Variants in RC3H2 observed in about 807,000 individuals in gnomAD.
The protein encoded by RC3H2 is roquin-2.
In RC3H2, 31 loss-of-function variants were observed where a neutral mutation model predicts 133.3. The observed-to-expected ratio is 0.23, with a 90% confidence interval of 0.17 to 0.31. The LOEUF is 0.31. RC3H2 is among the 10% of genes least tolerant of loss of function. The probability of loss-of-function intolerance (pLI) is 1.00; values close to 1 mark genes in which losing one functional copy is unlikely to be tolerated. For synonymous variants in RC3H2, 517 were observed against 502.2 expected (o/e 1.03, Z -0.40); for missense variants, 1,175 against 1,437.2 (o/e 0.82, Z 2.95).
In RC3H2 at chr9:122,846,864, A is replaced by G. The variant is rs1005709973; in HGVS notation, c.*2763T>C. On this transcript the variant is annotated 3_prime_UTR_variant, in exon 21 of 21. Transcript: ENST00000357244. ...GATATCAGTAGGTACCATTCTGAAGAAGGATCAGATGAACTGCCCTTTCTT... is the reference window on the plus strand; with the variant it reads ...GATATCAGTAGGTACCATTCTGAAGGAGGATCAGATGAACTGCCCTTTCTT... 6.6e-6 allele frequency: 1 copy of G among 152,192 alleles called. No individual in the cohort carries two copies. Among genetic ancestry groups the G allele is most frequent in the African/African-American group, 2.4e-5 (1 of 41,462 alleles). The allele number at this position is 152,192 out of a possible 1,614,324, so 9.4% of individuals were successfully genotyped here. A position where few individuals can be genotyped will look rare whatever the true frequency, so the allele number is the denominator to read the frequency against.
intron 4 of RC3H2, among the ~76,000 whole-genome samples, chr9:122,888,061 A>G (rs1017303574): frequency 6.6e-6 from 1 of 151,794 alleles, no homozygotes; most frequent in African/African-American, 2.4e-5. Context: ...CTTTTTTTTT[A>G]AATGCTGAAA....
chr9:122,858,917 G>C lies in RC3H2; in HGVS notation c.2035C>G (p.Pro679Ala). Reference protein sequence around the residue: ...SSPYQPPPPQPYGPVPPVPSG... With the variant: ...SSPYQPPPPQAYGPVPPVPSG... ...GGTACTGGAGGAACTGGTCCATACG[G>C]CTGCGGAGGAGGAGGCTGGTAAGGA... Residue 679 changes from proline (P) to alanine (A), a missense_variant, in exon 12 of 21, where the codon CCG becomes GCG. Coordinates refer to ENST00000357244, the MANE Select transcript of RC3H2 (RefSeq NM_001100588.3). The C allele has an allele frequency of 6.2e-7, 1 of 1,614,256 alleles. No homozygotes were observed. Among genetic ancestry groups the C allele is most frequent in the Non-Finnish European group, 8.5e-7 (1 of 1,180,042 alleles).
Position 122,893,027 on chromosome 9 carries a change from C to CT in RC3H2, c.232-2dup. On this transcript the variant is annotated splice_acceptor_variant, in intron 2 of 20. Coordinates refer to ENST00000357244, the MANE Select transcript of RC3H2 (RefSeq NM_001100588.3). LOFTEE classifies it high-confidence loss of function. ...ACTTAATTGACTGATGATCTGGTAC[C>CT]TTAAAAAAAAAAAAAAAGGAATATT... The CT allele has an allele frequency of 1.3e-6, 2 of 1,563,556 alleles. No individual in the cohort carries two copies. Among genetic ancestry groups the CT allele is most frequent in the African/African-American group, 1.4e-5 (1 of 70,992 alleles).
intron 9 of RC3H2, among the ~76,000 whole-genome samples, chr9:122,866,872 T>G (rs1830704263): frequency 6.9e-6 from 1 of 145,464 alleles, no homozygotes; most frequent in Non-Finnish European, 1.5e-5. Flanking sequence ...GCCTATCGTC[T>G]GGGACGTGAG....
chr9:122,886,180 G>A (rs538607864), intron 4 of RC3H2, among the ~76,000 whole-genome samples: 6 of 152,246 alleles, frequency 3.9e-5, no homozygotes, highest in Non-Finnish European at 7.4e-5. Context: ...GTGAGCCACC[G>A]TGCCCAACCT....
intron 4 of RC3H2, among the ~76,000 whole-genome samples, chr9:122,886,351 C>T (rs182157450): frequency 2.0e-5 from 3 of 152,208 alleles, no homozygotes; most frequent in African/African-American, 7.2e-5. Context: ...TTGTGAATAA[C>T]GCTGCAATAA....
At chr9:122,857,876 C>A in intron 13 of RC3H2, 47 bp downstream of exon 13, 1 of 1,522,008 alleles carries the variant, frequency 6.6e-7, no homozygotes, top group Non-Finnish European at 9.0e-7. Context: ...TTGAAGTCAG[C>A]TGTTTGACCT....
chr9:122,854,435 C>A, intron 16 of RC3H2, 96 bp downstream of exon 16: 1 of 1,200,784 alleles, frequency 8.3e-7, no homozygotes, highest in Non-Finnish European at 1.2e-6. Context: ...AGACAACAAG[C>A]AAAGCACATT....
rs1362470999 is a variant in RC3H2, at chr9:122,848,852, T to A, written c.*775A>T. ...ATTGTAAAAACGATTCTGCATAACT[T>A]AGGAGAATTTAATATCTAGTACATC... On this transcript the variant is annotated 3_prime_UTR_variant, in exon 21 of 21. Coordinates refer to ENST00000357244, the MANE Select transcript of RC3H2 (RefSeq NM_001100588.3). The A allele has an allele frequency of 6.6e-6, 1 of 152,152 alleles. No homozygotes were observed. The highest frequency in any genetic ancestry group is 2.4e-5 in the African/African-American group (1 of 41,446). The allele number at this position is 152,152 out of a possible 1,614,324, so 9.4% of individuals were successfully genotyped here.
chr9:122,859,251 G>GGTTTT, intron 11 of RC3H2, 149 bp from the exon 12 acceptor site: 2 of 307,268 alleles, frequency 6.5e-6, no homozygotes, highest in East Asian at 2.1e-4. Flanking sequence ...TTATACCCTG[G>GGTTTT]CTTTTTTTTT....
At position 122,877,587 on chromosome 9, in the gene RC3H2, CA is replaced by C. The variant is rs1244182060; in HGVS notation, c.1213-5del. ...TGTATTTGCTGTTTGGCTGAGGCTA[CA>C]AAAATGGGAACACATTCAATGAGTG... On this transcript the variant is annotated splice_polypyrimidine_tract_variant and splice_region_variant and intron_variant, in intron 8 of 20. Coordinates refer to ENST00000357244, the MANE Select transcript of RC3H2 (RefSeq NM_001100588.3). 3 of 1,612,040 alleles carry C rather than the reference CA, an allele frequency of 1.9e-6. No homozygotes were observed. Among genetic ancestry groups the C allele is most frequent in the Admixed American group, 3.3e-5 (2 of 59,914 alleles).
chr9:122,893,547 C>T (rs186391996), intron 2 of RC3H2, among the ~76,000 whole-genome samples: 1 of 152,110 alleles, frequency 6.6e-6, no homozygotes, highest in East Asian at 1.9e-4. Flanking sequence ...ACAGCAGGAG[C>T]TGTGTGGATT....
intron 2 of RC3H2, 30 bp downstream of exon 2, chr9:122,897,249 C>A (rs1238153025): frequency 6.2e-7 from 1 of 1,607,360 alleles, no homozygotes; most frequent in African/African-American, 1.3e-5. Flanking sequence ...TATTTTTGCA[C>A]CAACCTATAG....
rs1162402106 is a variant in RC3H2 at position 122,858,945 on chromosome 9, A to G, written c.2007T>C (p.Ser669=). Residue 669 remains serine, a synonymous_variant, in exon 12 of 21, where the codon TCT becomes TCC. Transcript: ENST00000357244. ...GCGGAGGAGGAGGCTGGTAAGGAGA[A>G]GAATTCATTCGATCTCGAGGGGAAA... The part of the protein sequence containing the change: ...STFSPRDRMN[S]SPYQPPPPQP... 6.2e-7 allele frequency: 1 copy of G among 1,614,226 alleles called. No homozygotes were observed. Among genetic ancestry groups the G allele is most frequent in the East Asian group, 2.2e-5 (1 of 44,888 alleles).
intron 9 of RC3H2, among the ~76,000 whole-genome samples, chr9:122,877,028 C>A (rs751756338): frequency 1.2e-3 from 185 of 152,318 alleles, no homozygotes; most frequent in Non-Finnish European, 1.9e-3. Flanking sequence ...AATATGACCA[C>A]TGAGTAAAGT....
In RC3H2 at chr9:122,879,827, A is replaced by T. The variant is rs776947644; in HGVS notation, c.1140T>A (p.Ala380=). The change falls in exon 8 of 21, where the codon GCT becomes GCA. Residue 380 remains alanine (A), a synonymous_variant. Transcript: ENST00000357244. ...CAAGGCCATGAACTACTGTTTTAACAGCTACCATTGCATTTTCCAGCTGCT... is the reference window on the plus strand; with the variant it reads ...CAAGGCCATGAACTACTGTTTTAACTGCTACCATTGCATTTTCCAGCTGCT... ...TWEQLENAMV[A]VKTVVHGLVD... 1.2e-6 allele frequency: 2 copies of T among 1,614,210 alleles called. No homozygotes were observed. Among genetic ancestry groups the T allele is most frequent in the Admixed American group, 1.7e-5 (1 of 60,012 alleles).
At chr9:122,897,637 T>C (rs1245139077) in intron 1 of RC3H2, 61 bp from the exon 2 acceptor site, 2 of 1,191,862 alleles carry the variant, frequency 1.7e-6, no homozygotes, top group East Asian at 5.2e-5. Context: ...GAAGAGTTAA[T>C]TGCTTAAGTC....
At chr9:122,899,664 A>G (rs1275560969) in intron 1 of RC3H2, among the ~76,000 whole-genome samples, 1 of 152,118 alleles carries the variant, frequency 6.6e-6, no homozygotes, top group African/African-American at 2.4e-5. Flanking sequence ...TGAATATATC[A>G]CTCCCTAAAA....
chr9:122,851,468 C>T, intron 18 of RC3H2, 32 bp from the exon 19 acceptor site: 1 of 1,604,352 alleles, frequency 6.2e-7, no homozygotes, highest in Non-Finnish European at 8.5e-7. Context: ...CTCTCCCTCT[C>T]CCTCTCCCTC....
Sources: gnomAD v4.1 joint callset for allele counts (sites outside exome capture counted in the v4.1 genomes callset) on GRCh38, gnomAD v4.1.1 for gene constraint, MANE v1.5 for transcripts, NCBI Gene and HGNC (gene_info 2026-07-23, HGNC 2026-07-21) for gene names.